GPR137C: variants seen among roughly 807,000 people sequenced by gnomAD.
GPR137C encodes integral membrane protein GPR137C.
In GPR137C, 27 loss-of-function variants were observed where a neutral mutation model predicts 43.4. The ratio of observed to expected loss-of-function variants is 0.62; its 90% CI spans 0.46 to 0.86. The LOEUF is 0.86. Ranked by LOEUF, GPR137C falls within the 40% of genes least tolerant of loss-of-function variation. GPR137C has a pLI of 0.00. For synonymous variants in GPR137C, 285 were observed against 226.9 expected (o/e 1.26, Z -2.30); for missense variants, 522 against 534.6 (o/e 0.98, Z 0.23).
At chr14:52,567,717 T>G (rs975417509) in intron 1 of GPR137C, among the ~76,000 whole-genome samples, 1 of 150,644 alleles carries the variant, frequency 6.6e-6, no homozygotes. Context: ...TCTTGTGCAG[T>G]GGCGTGATCT....
In GPR137C at chr14:52,563,721, A is replaced by G. The variant is rs916776878; in HGVS notation, c.444+10130A>G. ...GACTAGTATTTATATCCAATTATCT[A>G]TATAATTCAGAAACGTGAGTCCTTC... On this transcript the variant is annotated intron_variant, in intron 1 of 6. Transcript: ENST00000321662. 8.5e-5 allele frequency among the ~76,000 whole-genome samples: 13 copies of G among 152,172 alleles called. No individual in the cohort carries two copies. In the East Asian group the frequency reaches 9.6e-4, roughly 11 times the overall value.
At chr14:52,627,711 G>T (rs1010806361) in intron 3 of GPR137C, among the ~76,000 whole-genome samples, 2 of 152,022 alleles carry the variant, frequency 1.3e-5, no homozygotes, top group East Asian at 1.9e-4. Flanking sequence ...GGTCATGGTG[G>T]CACGTGCCTG....
At chr14:52,621,937 A>G (rs1170665218) in intron 3 of GPR137C, among the ~76,000 whole-genome samples, 1 of 151,826 alleles carries the variant, frequency 6.6e-6, no homozygotes, top group African/African-American at 2.4e-5. Flanking sequence ...TTACATTCTA[A>G]CAAATAACAT....
chr14:52,553,280 G>A lies in GPR137C; in HGVS notation c.133G>A (p.Val45Met), dbSNP rs764174981. ...CTCAGGCGCCGCGGTGCCGGGCTCC[G>A]TGCAGTTGGCGCTGAGCGTCCTGCA... ...AASGAAVPGS[V>M]QLALSVLHAL... The change falls in exon 1 of 7, where the codon GTG (valine) becomes ATG (methionine). Residue 45 changes from valine (V) to methionine (M), a missense_variant. Val to Met is a conservative substitution (Grantham distance 21). Transcript: ENST00000321662. 14 of 1,494,994 alleles carry A rather than the reference G, an allele frequency of 9.4e-6. 1 individual carries two copies. The South Asian group carries it at 1.8e-4, about 19-fold the overall frequency. The allele number at this position is 1,494,994 out of a possible 1,614,324, so 92.6% of individuals were successfully genotyped here. A position where few individuals can be genotyped will look rare whatever the true frequency, so the allele number is the denominator to read the frequency against.
intron 1 of GPR137C, among the ~76,000 whole-genome samples, chr14:52,597,405 G>A (rs567991686): frequency 1.3e-5 from 2 of 152,122 alleles, no homozygotes; most frequent in African/African-American, 2.4e-5. Context: ...TGAAATCAGT[G>A]AGTTACCATG....
At chr14:52,580,391 C>T (rs2038625532) in intron 1 of GPR137C, among the ~76,000 whole-genome samples, 1 of 152,040 alleles carries the variant, frequency 6.6e-6, no homozygotes, top group South Asian at 2.1e-4. Flanking sequence ...GAGACAGAGT[C>T]TCACCCTGTA....
At chr14:52,629,587 C>T (rs1341043105) in intron 3 of GPR137C, among the ~76,000 whole-genome samples, 1 of 152,124 alleles carries the variant, frequency 6.6e-6, no homozygotes, top group Non-Finnish European at 1.5e-5. Flanking sequence ...ATGAAACATA[C>T]AAGAGTTCAT....
intron 3 of GPR137C, among the ~76,000 whole-genome samples, chr14:52,606,632 A>G (rs1020311346): frequency 1.3e-5 from 2 of 152,068 alleles, no homozygotes; most frequent in Admixed American, 6.5e-5. Flanking sequence ...GACAGAATCT[A>G]TGTTGTCCAG....
In GPR137C at chr14:52,616,536, CG is replaced by C. The variant is rs376932380; in HGVS notation, c.718-15623del. ...CTCAAATTCCTGGCCTCATGTGATCCGCCTGCCTCAGCCTCCCAAAGTACTG... is the reference window on the plus strand; with the variant it reads ...CTCAAATTCCTGGCCTCATGTGATCCCCTGCCTCAGCCTCCCAAAGTACTG... On this transcript the variant is annotated intron_variant, in intron 3 of 6. Transcript: ENST00000321662. Among the ~76,000 whole-genome samples, 393 of 152,254 alleles carry C rather than the reference CG, an allele frequency of 2.6e-3. 2 individuals are homozygous for C. Among genetic ancestry groups the C allele is most frequent in the African/African-American group, 9.1e-3 (377 of 41,538 alleles).
At chr14:52,617,101 C>T (rs1042893074) in intron 3 of GPR137C, among the ~76,000 whole-genome samples, 1 of 152,148 alleles carries the variant, frequency 6.6e-6, no homozygotes, top group African/African-American at 2.4e-5. Context: ...ATATGTGGCT[C>T]ACCTCTGTCA....
chr14:52,600,290 C>T lies in GPR137C; in HGVS notation c.666C>T (p.Tyr222=), dbSNP rs773962177. 1.2e-6 allele frequency: 2 copies of T among 1,612,842 alleles called. No individual in the cohort carries two copies. Among genetic ancestry groups the T allele is most frequent in the South Asian group, 2.2e-5 (2 of 91,056 alleles). ...FILCAISLVC[Y]ICKITKMSSA... ...TTTGTGCCATCTCTTTAGTGTGTTA[C>T]ATATGCAAAATTACAAAAATGTCAT... The change falls in exon 3 of 7, where the codon TAC becomes TAT. Residue 222 remains tyrosine, a synonymous_variant. Coordinates refer to ENST00000321662, the MANE Select transcript of GPR137C (RefSeq NM_001099652.2).
chr14:52,596,767 C>G (rs1345662197), intron 1 of GPR137C: 2 of 367,756 alleles, frequency 5.4e-6, no homozygotes, highest in South Asian at 2.0e-5. Flanking sequence ...TTCCCCAACC[C>G]CTTGTGCTTC....
intron 3 of GPR137C, among the ~76,000 whole-genome samples, chr14:52,622,989 A>G (rs945430995): frequency 2.0e-5 from 3 of 152,120 alleles, no homozygotes; most frequent in Admixed American, 1.3e-4. Context: ...TTTACACACA[A>G]TTGGTCTAGC....
intron 1 of GPR137C, among the ~76,000 whole-genome samples, chr14:52,595,185 C>A (rs977265683): frequency 3.3e-5 from 5 of 152,158 alleles, no homozygotes; most frequent in African/African-American, 9.7e-5. Context: ...GCCGAGAGAT[C>A]CCCTGTTAGT....
chr14:52,618,124 A>G (rs117393574), intron 3 of GPR137C, among the ~76,000 whole-genome samples: 4,020 of 152,220 alleles, frequency 0.026, 64 homozygotes, highest in Middle Eastern at 0.044. Flanking sequence ...TTACTGAAGA[A>G]CAGGATTCCC....
chr14:52,580,887 C>G (rs1475798053), intron 1 of GPR137C, among the ~76,000 whole-genome samples: 1 of 145,300 alleles, frequency 6.9e-6, no homozygotes, highest in Non-Finnish European at 1.5e-5. Context: ...AAAATATATA[C>G]ATATATATTT....
intron 3 of GPR137C, among the ~76,000 whole-genome samples, chr14:52,627,925 C>T (rs1020429259): frequency 6.6e-6 from 1 of 152,166 alleles, no homozygotes; most frequent in Non-Finnish European, 1.5e-5. Flanking sequence ...TATTCTTTAG[C>T]TGTACCATTC....
chr14:52,614,362 C>G (rs772297265), intron 3 of GPR137C, among the ~76,000 whole-genome samples: 2 of 152,168 alleles, frequency 1.3e-5, no homozygotes, highest in African/African-American at 4.8e-5. Context: ...CTCAAGCAAT[C>G]TGCCCACCTC....
chr14:52,575,739 G>A (rs1014976874), intron 1 of GPR137C, among the ~76,000 whole-genome samples: 1 of 152,196 alleles, frequency 6.6e-6, no homozygotes, highest in African/African-American at 2.4e-5. Context: ...CCTTGAATTA[G>A]GAGTCAGGAC....
Sources: gnomAD v4.1 joint callset for allele counts (sites outside exome capture counted in the v4.1 genomes callset) on GRCh38, gnomAD v4.1.1 for gene constraint, MANE v1.5 for transcripts, NCBI Gene and HGNC (gene_info 2026-07-23, HGNC 2026-07-21) for gene names.